The following MLIP variants were observed in gnomAD, a reference collection of about 807,000 sequenced individuals.
MLIP encodes muscular LMNA-interacting protein.
Under a neutral mutation model 84.8 loss-of-function variants are expected in MLIP, and 79 were observed. That is an observed-to-expected ratio of 0.93 (90% confidence interval 0.78 to 1.12). MLIP has a LOEUF of 1.12. Among genes scored for constraint, MLIP ranks in the 50% most tolerant of loss-of-function variants. The pLI, the probability that MLIP is intolerant of heterozygous loss-of-function variation, is 0.00. For missense variants in MLIP, 1,257 were observed against 1,160.6 expected, an observed-to-expected ratio of 1.08 and a Z score of -1.21; for synonymous variants, 504 against 463.0, an observed-to-expected ratio of 1.09 and a Z score of -1.14.
chr6:54,227,905 C>T (rs1381972663), intron 11 of MLIP, among the ~76,000 whole-genome samples: 3 of 152,034 alleles, frequency 2.0e-5, no homozygotes, highest in Non-Finnish European at 2.9e-5. Flanking sequence ...AGATCCAGGC[C>T]GGGCGCAGTG....
intron 11 of MLIP, among the ~76,000 whole-genome samples, chr6:54,209,418 A>G (rs535254835): frequency 6.6e-5 from 10 of 152,348 alleles, no homozygotes; most frequent in Non-Finnish European, 1.5e-4. Context: ...AGTTCAGCCT[A>G]TGGAGAACAG....
intron 1 of MLIP, among the ~76,000 whole-genome samples, chr6:54,044,032 A>G (rs1193846771): frequency 6.6e-6 from 1 of 152,142 alleles, no homozygotes; most frequent in Non-Finnish European, 1.5e-5. Context: ...AGAAATGATG[A>G]CTTTAGTGCT....
intron 1 of MLIP, among the ~76,000 whole-genome samples, chr6:54,056,286 T>C (rs531226887): frequency 6.8e-4 from 104 of 152,290 alleles, no homozygotes; most frequent in Non-Finnish European, 1.3e-3. Context: ...GTTTGAGGAA[T>C]TGAAAGATTT....
In MLIP at chr6:54,137,843, T is replaced by C; in HGVS notation, c.1774T>C (p.Ser592Pro). Residue 592 changes from serine to proline, a missense_variant, in exon 4 of 14, where the codon TCT becomes CCT. Physicochemically the swap from Ser to Pro is moderately conservative, Grantham distance 74. Transcript: ENST00000502396. ...YPSTLASSAL[S>P]SLSPPINQRA... ...TTCTACATTAGCCTCCTCTGCATTATCTTCTCTATCTCCTCCTATTAATCA... is the reference window on the plus strand; with the variant it reads ...TTCTACATTAGCCTCCTCTGCATTACCTTCTCTATCTCCTCCTATTAATCA... The C allele has an allele frequency of 6.5e-7, 1 of 1,536,126 alleles. No homozygotes were observed. The highest frequency in any genetic ancestry group is 8.7e-7 in the Non-Finnish European group (1 of 1,146,904).
intron 1 of MLIP, among the ~76,000 whole-genome samples, chr6:54,056,091 A>T (rs1765645054): frequency 6.6e-6 from 1 of 152,156 alleles, no homozygotes; most frequent in African/African-American, 2.4e-5. Context: ...ATATTTGGTT[A>T]AATTATTTTG....
chr6:54,260,416 C>A (rs1783305496), intron 13 of MLIP, among the ~76,000 whole-genome samples: 1 of 151,958 alleles, frequency 6.6e-6, no homozygotes, highest in African/African-American at 2.4e-5. Context: ...CCATTCCAGA[C>A]AAATTAATAA....
chr6:54,254,081 C>A (rs1445159577), intron 12 of MLIP, among the ~76,000 whole-genome samples: 1 of 149,980 alleles, frequency 6.7e-6, no homozygotes, highest in African/African-American at 2.5e-5. Flanking sequence ...TATTAATCTA[C>A]TCTCTGCATA....
At chr6:54,133,740 A>G (rs1179457926) in intron 3 of MLIP, among the ~76,000 whole-genome samples, 1 of 152,190 alleles carries the variant, frequency 6.6e-6, no homozygotes, top group Non-Finnish European at 1.5e-5. Flanking sequence ...GGGTGAATTT[A>G]TGATTAGGAT....
At chr6:54,202,056 A>G in intron 10 of MLIP, 49 bp from the exon 11 acceptor site, 1 of 1,341,774 alleles carries the variant, frequency 7.5e-7, no homozygotes. Flanking sequence ...TGTTCATTTT[A>G]ATAGTGTTTT....
At chr6:54,138,783 G>C (rs1292238002) in intron 4 of MLIP, among the ~76,000 whole-genome samples, 5 of 152,154 alleles carry the variant, frequency 3.3e-5, no homozygotes, top group Non-Finnish European at 5.9e-5. Context: ...GTAGCAGAAA[G>C]CAACTCTACA....
At chr6:54,080,184 C>G (rs1438547101) in intron 1 of MLIP, among the ~76,000 whole-genome samples, 1 of 152,118 alleles carries the variant, frequency 6.6e-6, no homozygotes, top group Non-Finnish European at 1.5e-5. Context: ...CTTTCATGGT[C>G]GCCTTTGCTT....
chr6:54,038,724 C>T (rs915043074), intron 1 of MLIP, among the ~76,000 whole-genome samples: 1 of 151,904 alleles, frequency 6.6e-6, no homozygotes, highest in Admixed American at 6.6e-5. Flanking sequence ...GTCTCCTGAA[C>T]TTTTGTTTTC....
At chr6:54,166,023 C>A (rs912966826) in intron 8 of MLIP, among the ~76,000 whole-genome samples, 1 of 151,866 alleles carries the variant, frequency 6.6e-6, no homozygotes, top group Non-Finnish European at 1.5e-5. Context: ...TTAGACCTCC[C>A]AGCCTCCAGA....
intron 1 of MLIP, among the ~76,000 whole-genome samples, chr6:54,082,748 A>C (rs1190057490): frequency 5.1e-5 from 2 of 39,284 alleles, no homozygotes; most frequent in African/African-American, 1.9e-4. Flanking sequence ...AGTAAGATTG[A>C]ATATCTTTCA....
At chr6:54,042,923 G>C (rs553619789) in intron 1 of MLIP, among the ~76,000 whole-genome samples, 1 of 152,270 alleles carries the variant, frequency 6.6e-6, no homozygotes, top group African/African-American at 2.4e-5. Context: ...ATGGGAGGTA[G>C]GGAAGGAACC....
chr6:54,042,723 A>G (rs1764817585), intron 1 of MLIP, among the ~76,000 whole-genome samples: 1 of 152,146 alleles, frequency 6.6e-6, no homozygotes, highest in Admixed American at 6.6e-5. Flanking sequence ...ACCAGGGACA[A>G]TATACCTAAT....
intron 8 of MLIP, among the ~76,000 whole-genome samples, chr6:54,163,106 ATTCTCGTTTTTGAGTT>A (rs551548574): frequency 1.7e-3 from 252 of 152,106 alleles, no homozygotes; most frequent in African/African-American, 5.7e-3. Flanking sequence ...GTTGGCATTC[ATTCTCGTTTTTGAGTT>A]TTTAGAAGCT....
At chr6:54,227,206 CCATGCTTCTTGTA>C (rs1343155978) in intron 11 of MLIP, among the ~76,000 whole-genome samples, 2 of 152,184 alleles carry the variant, frequency 1.3e-5, no homozygotes, top group Non-Finnish European at 2.9e-5. Context: ...GACCTCCCAC[CCATGCTTCTTGTA>C]CAGCCTGTGG....
chr6:54,048,075 G>C (rs528439479), intron 1 of MLIP, among the ~76,000 whole-genome samples: 1 of 152,308 alleles, frequency 6.6e-6, no homozygotes, highest in African/African-American at 2.4e-5. Context: ...AAGACCATGA[G>C]AGTGTCCTGA....
Sources: allele counts gnomAD v4.1 joint callset (sites outside exome capture counted in the v4.1 genomes callset), GRCh38; gene constraint gnomAD v4.1.1; transcripts MANE v1.5; gene names NCBI Gene and HGNC (gene_info 2026-07-23, HGNC 2026-07-21).